SERPINB11: variants seen among roughly 807,000 people sequenced by gnomAD.
SERPINB11 encodes serpin family B member 11, also known as serpin B11.
In SERPINB11, 32 loss-of-function variants were observed where a neutral mutation model predicts 36.7. The observed-to-expected ratio is 0.87, with a 90% confidence interval of 0.66 to 1.17. The LOEUF (loss-of-function observed/expected upper bound fraction) is 1.17, where lower values mean the gene tolerates loss of function less well. Ranked by LOEUF, SERPINB11 falls within the 50% of genes most tolerant of loss-of-function variation. The probability of loss-of-function intolerance (pLI) is 0.00; values close to 1 mark genes in which losing one functional copy is unlikely to be tolerated. For synonymous variants in SERPINB11, 174 were observed against 168.1 expected (o/e 1.04, Z -0.27); for missense variants, 528 against 458.4 (o/e 1.15, Z -1.39).
chr18:63,715,186 T>C lies in SERPINB11; in HGVS notation c.358-849T>C, dbSNP rs542268260. Among the ~76,000 whole-genome samples the C allele has an allele frequency of 5.3e-5, 8 of 152,292 alleles. No homozygotes were observed. The East Asian group carries it at 1.2e-3, about 22-fold the overall frequency. On this transcript the variant is annotated intron_variant, in intron 4 of 7. Transcript: ENST00000544088. Reference sequence around the variant, plus strand: ...GTTCTATTCAGTTCATGTTGGGGCATTGAGTCCCACTGGGCTGTGGAGGTA... The same window carrying C: ...GTTCTATTCAGTTCATGTTGGGGCACTGAGTCCCACTGGGCTGTGGAGGTA...
chr18:63,720,733 G>T lies in SERPINB11; in HGVS notation c.619-98G>T, dbSNP rs373280015. ...AGTTTCTATTTTACCCATGCCTTTAGAGTGTTCATGCAGATATCCGTGTTA... is the reference window on the plus strand; with the variant it reads ...AGTTTCTATTTTACCCATGCCTTTATAGTGTTCATGCAGATATCCGTGTTA... On this transcript the variant is annotated intron_variant, in intron 6 of 7. Coordinates refer to ENST00000544088, the MANE Select transcript of SERPINB11 (RefSeq NM_001370475.1). The T allele has an allele frequency of 7.7e-5, 63 of 818,672 alleles. No homozygotes were observed. The East Asian group carries it at 1.2e-3, about 16-fold the overall frequency. The allele number at this position is 818,672 out of a possible 1,614,324, so 50.7% of individuals were successfully genotyped here. A position where few individuals can be genotyped will look rare whatever the true frequency, so the allele number is the denominator to read the frequency against.
rs773713179 is a variant in SERPINB11 at position 63,710,328 on chromosome 18, T to G, written c.135T>G (p.Gly45=). The G allele has an allele frequency of 1.9e-6, 3 of 1,613,460 alleles. No homozygotes were observed. The highest frequency in any genetic ancestry group is 2.2e-5 in the South Asian group (2 of 90,968). The change falls in exon 2 of 8, where the codon GGT becomes GGG. Residue 45 remains glycine (G), a synonymous_variant. Coordinates refer to ENST00000544088, the MANE Select transcript of SERPINB11 (RefSeq NM_001370475.1). ...ATGCTCTAAGCATGGTCCTCCTTGG[T>G]GCCAGGGGAGAGACTGAAGAGCAAT... ...LLYALSMVLL[G]ARGETEEQLE...
chr18:63,713,448 C>T (rs1036900777), intron 4 of SERPINB11, among the ~76,000 whole-genome samples: 1 of 152,160 alleles, frequency 6.6e-6, no homozygotes, highest in African/African-American at 2.4e-5. Context: ...GCTACATCAT[C>T]TTGTGATTGA....
chr18:63,709,582 G>A (rs1436618161), intron 1 of SERPINB11, among the ~76,000 whole-genome samples: 4 of 128,004 alleles, frequency 3.1e-5, no homozygotes, highest in Admixed American at 9.3e-5. Flanking sequence ...CTGCACTCCA[G>A]TCTGGGCGAC....
intron 5 of SERPINB11, among the ~76,000 whole-genome samples, chr18:63,717,694 GT>G (rs543461968): frequency 1.5e-4 from 23 of 149,974 alleles, no homozygotes; most frequent in Admixed American, 4.7e-4. Context: ...TGGTTTGTCT[GT>G]TTTTTTTTCT....
Position 63,716,038 on chromosome 18 carries a change from T to C in SERPINB11, c.361T>C (p.Tyr121His). 3 of 1,598,572 alleles carry C rather than the reference T, an allele frequency of 1.9e-6. No individual in the cohort carries two copies. Among genetic ancestry groups the C allele is most frequent in the Non-Finnish European group, 2.6e-6 (3 of 1,168,040 alleles). Residue 121 changes from tyrosine (Y) to histidine (H), a missense_variant, in exon 5 of 8, where the codon TAT (tyrosine) becomes CAT (histidine). Physicochemically the swap from Tyr to His is moderately conservative, Grantham distance 83. Coordinates refer to ENST00000544088, the MANE Select transcript of SERPINB11 (RefSeq NM_001370475.1). ...TCAATTATCATGTCTTTCATAGCAA[T>C]ATTTAAGCTGTTCTGAGAAATGGTA... is the stretch of plus-strand genomic sequence containing the variant. ...GTKTMAFHQQ[Y>H]LSCSEKWYQA...
chr18:63,715,973 G>A (rs1255053903), intron 4 of SERPINB11, 62 bp from the exon 5 acceptor site: 1 of 1,021,768 alleles, frequency 9.8e-7, no homozygotes, highest in Non-Finnish European at 1.5e-6. Flanking sequence ...ACATTGAGCT[G>A]TAGATTTTTG....
chr18:63,708,058 T>C (rs1049525634), intron 1 of SERPINB11, among the ~76,000 whole-genome samples: 2 of 152,190 alleles, frequency 1.3e-5, no homozygotes, highest in African/African-American at 4.8e-5. Context: ...GGAAGAGGAA[T>C]AGAAAGTGCA....
chr18:63,708,230 T>C (rs1914422645), intron 1 of SERPINB11, among the ~76,000 whole-genome samples: 2 of 152,334 alleles, frequency 1.3e-5, no homozygotes, highest in Non-Finnish European at 2.9e-5. Context: ...GACTTTGTCT[T>C]CTTCTCTGAG....
intron 5 of SERPINB11, 32 bp downstream of exon 5, chr18:63,716,184 C>T (rs1258079720): frequency 7.1e-7 from 1 of 1,417,838 alleles, no homozygotes. Context: ...TCTCTAAACT[C>T]TGTGTTGTGT....
chr18:63,723,082 C>A lies in SERPINB11; in HGVS notation c.862C>A (p.Arg288=), dbSNP rs1395265. ...AAGAGAAGTTGAAGTACACCTCCCC[C>A]GATTCAAACTTGAAACTAAGTATGA... ...MEREVEVHLP[R]FKLETKYELN... The change falls in exon 8 of 8, where the codon CGA becomes AGA. Residue 288 remains arginine, a synonymous_variant. Transcript: ENST00000544088. 1,162,403 of 1,600,488 alleles carry A rather than the reference C, an allele frequency of 0.73. 423,418 individuals are homozygous for A. Among genetic ancestry groups the A allele is most frequent in the East Asian group, 0.85 (37,975 of 44,576 alleles).
intron 6 of SERPINB11, 40 bp from the exon 7 acceptor site, chr18:63,720,791 C>T: frequency 1.4e-6 from 2 of 1,442,350 alleles, no homozygotes; most frequent in Non-Finnish European, 1.9e-6. Context: ...CATGTGCACT[C>T]ACATATGTAA....
intron 5 of SERPINB11, 32 bp downstream of exon 5, chr18:63,716,184 C>G: frequency 7.1e-7 from 1 of 1,417,838 alleles, no homozygotes; most frequent in Non-Finnish European, 9.8e-7. Context: ...TCTCTAAACT[C>G]TGTGTTGTGT....
chr18:63,723,824 T>G lies in SERPINB11; in HGVS notation c.*425T>G, dbSNP rs1914893307. On this transcript the variant is annotated 3_prime_UTR_variant, in exon 8 of 8. Transcript: ENST00000544088. ...TAAATATTTTCCTTGCATATGTAAA[T>G]AGAATGTGGTGAGTTTTAGTTCAAA... 6.4e-6 allele frequency: 1 copy of G among 156,918 alleles called. No homozygotes were observed. Among genetic ancestry groups the G allele is most frequent in the African/African-American group, 2.4e-5 (1 of 41,596 alleles). The allele number at this position is 156,918 out of a possible 1,614,324, so 9.7% of individuals were successfully genotyped here.
At chr18:63,720,602 C>T (rs1914784682) in intron 6 of SERPINB11, 2 of 433,686 alleles carry the variant, frequency 4.6e-6, no homozygotes, top group Non-Finnish European at 8.0e-6. Context: ...GTAGACCAAG[C>T]TATCTCTATA....
At chr18:63,703,259 T>C (rs548714473) in intron 1 of SERPINB11, among the ~76,000 whole-genome samples, 107 of 152,326 alleles carry the variant, frequency 7.0e-4, no homozygotes, top group Non-Finnish European at 1.3e-3. Flanking sequence ...TTTAGTAAAA[T>C]GGAACTCCGT....
Position 63,710,289 on chromosome 18 carries a change from G to C in SERPINB11, c.96G>C (p.Ser32=). The change falls in exon 2 of 8, where the codon TCG becomes TCC. Residue 32 remains serine (S), a synonymous_variant. Transcript: ENST00000544088. Reference sequence around the variant, plus strand: ...TAGGAGATAACATCTTCTTTTCTTCGCTGAGTCTGCTTTATGCTCTAAGCA... The same window carrying C: ...TAGGAGATAACATCTTCTTTTCTTCCCTGAGTCTGCTTTATGCTCTAAGCA... ...NNIGDNIFFS[S]LSLLYALSMV... is the part of the protein sequence containing the mutation. 6.2e-7 allele frequency: 1 copy of C among 1,613,712 alleles called. No homozygotes were observed. Among genetic ancestry groups the C allele is most frequent in the Non-Finnish European group, 8.5e-7 (1 of 1,179,766 alleles).
intron 4 of SERPINB11, among the ~76,000 whole-genome samples, chr18:63,714,555 T>A (rs147358445): frequency 1.3e-5 from 2 of 152,048 alleles, no homozygotes; most frequent in Non-Finnish European, 2.9e-5. Flanking sequence ...TTCAGAGACC[T>A]CCCCCTAGGA....
intron 5 of SERPINB11, among the ~76,000 whole-genome samples, chr18:63,719,588 T>A (rs538313219): frequency 1.2e-3 from 190 of 152,248 alleles, no homozygotes; most frequent in African/African-American, 4.4e-3. Flanking sequence ...ACACTAATTC[T>A]AGTGCATTGA....
Sources: gnomAD v4.1 joint callset for allele counts (sites outside exome capture counted in the v4.1 genomes callset) on GRCh38, gnomAD v4.1.1 for gene constraint, MANE v1.5 for transcripts, NCBI Gene and HGNC (gene_info 2026-07-23, HGNC 2026-07-21) for gene names.